The following IGSF21 variants were observed in gnomAD, a reference collection of about 807,000 sequenced individuals.
The protein encoded by IGSF21 is immunoglobin superfamily member 21, also known as immunoglobulin superfamily member 21.
IGSF21 carries 28 observed loss-of-function variants against 46.8 expected under a neutral mutation model. The observed-to-expected ratio is 0.60, with a 90% confidence interval of 0.44 to 0.82. IGSF21 has a LOEUF of 0.82. Ranked by LOEUF, IGSF21 falls within the 40% of genes least tolerant of loss-of-function variation. The pLI is 0.00. For synonymous variants in IGSF21, 284 were observed against 273.6 expected (o/e 1.04, Z -0.38); for missense variants, 624 against 665.5 (o/e 0.94, Z 0.69).
At chr1:18,284,137 T>C (rs1274503274) in intron 2 of IGSF21, among the ~76,000 whole-genome samples, 1 of 152,118 alleles carries the variant, frequency 6.6e-6, no homozygotes, top group Non-Finnish European at 1.5e-5. Flanking sequence ...CCTCAAGCAA[T>C]AGACAAACTC....
chr1:18,111,733 C>T (rs1449632124), intron 1 of IGSF21: 1 of 152,274 alleles, frequency 6.6e-6, no homozygotes, highest in Non-Finnish European at 1.5e-5. Flanking sequence ...AGATTTAAGA[C>T]CTTCTTTTCA....
intron 2 of IGSF21, among the ~76,000 whole-genome samples, chr1:18,229,805 G>C (rs1287841496): frequency 1.3e-5 from 2 of 152,218 alleles, no homozygotes; most frequent in African/African-American, 4.8e-5. Flanking sequence ...CACAGGCTGG[G>C]AGCATCTCAT....
intron 1 of IGSF21, chr1:18,114,415 A>G (rs1249698941): frequency 6.6e-6 from 1 of 152,246 alleles, no homozygotes; most frequent in Non-Finnish European, 1.5e-5. Flanking sequence ...GCCTTGCGAC[A>G]TGTGCAACCT....
intron 2 of IGSF21, among the ~76,000 whole-genome samples, chr1:18,265,095 T>C (rs1250663380): frequency 6.6e-6 from 1 of 152,246 alleles, no homozygotes; most frequent in Non-Finnish European, 1.5e-5. Flanking sequence ...TTTTTTGTAA[T>C]TCATTGGATG....
chr1:18,199,430 T>G (rs2087044772), intron 1 of IGSF21, among the ~76,000 whole-genome samples: 1 of 152,182 alleles, frequency 6.6e-6, no homozygotes, highest in Non-Finnish European at 1.5e-5. Flanking sequence ...GCTACTGTGA[T>G]TTGACTGCTG....
chr1:18,275,467 G>A (rs1569698492), intron 2 of IGSF21, among the ~76,000 whole-genome samples: 1 of 152,166 alleles, frequency 6.6e-6, no homozygotes, highest in East Asian at 1.9e-4. Flanking sequence ...CTCCCACCGG[G>A]AGTGTCTTGG....
chr1:18,132,333 G>A (rs1365529774), intron 1 of IGSF21, among the ~76,000 whole-genome samples: 2 of 152,176 alleles, frequency 1.3e-5, no homozygotes, highest in East Asian at 3.9e-4. Context: ...TGGATTTATG[G>A]TCAGCCCTGT....
At chr1:18,304,627 G>A (rs981623086) in intron 3 of IGSF21, among the ~76,000 whole-genome samples, 1 of 152,106 alleles carries the variant, frequency 6.6e-6, no homozygotes, top group African/African-American at 2.4e-5. Flanking sequence ...AGCCTGCTGG[G>A]CAGAATTGCT....
intron 1 of IGSF21, among the ~76,000 whole-genome samples, chr1:18,204,264 A>G (rs1480710660): frequency 6.6e-6 from 1 of 152,222 alleles, no homozygotes; most frequent in Non-Finnish European, 1.5e-5. Flanking sequence ...TCATTTGCCC[A>G]AAGTTACATG....
At chr1:18,370,731 A>G (rs751404694) in intron 6 of IGSF21, among the ~76,000 whole-genome samples, 3 of 152,212 alleles carry the variant, frequency 2.0e-5, no homozygotes, top group African/African-American at 4.8e-5. Context: ...TTGTAACCAG[A>G]ATATATAAAG....
chr1:18,205,802 A>G (rs1185211784), intron 1 of IGSF21, among the ~76,000 whole-genome samples: 1 of 152,240 alleles, frequency 6.6e-6, no homozygotes, highest in Non-Finnish European at 1.5e-5. Context: ...ATTCGTGAGA[A>G]AGATTCAAAA....
chr1:18,108,078 C>A lies in IGSF21; in HGVS notation c.-51C>A. 1.1e-6 allele frequency: 1 copy of A among 908,964 alleles called. No homozygotes were observed. Among genetic ancestry groups the A allele is most frequent in the Non-Finnish European group, 1.5e-6 (1 of 653,180 alleles). 56.3% of individuals were successfully genotyped at this position (908,964 alleles called of 1,614,324 possible). A position where few individuals can be genotyped will look rare whatever the true frequency, so the allele number is the denominator to read the frequency against. On this transcript the variant is annotated 5_prime_UTR_variant, in exon 1 of 10. Coordinates refer to ENST00000251296, the MANE Select transcript of IGSF21 (RefSeq NM_032880.5). The stretch of plus-strand genomic sequence containing the variant: ...GAGCCCATGGCGAGGGGACCCGCCG[C>A]CACCGCCTCCACCCCCGCCGCCCCG...
rs529377116 is a variant in IGSF21, at chr1:18,203,590, T to C, written c.71-24308T>C. Reference sequence around the variant, plus strand: ...TCCCAAAGTGCTGGGATTACAGGCGTGAGCCACCGTGACCAGCCCCTTGAT... The same window carrying C: ...TCCCAAAGTGCTGGGATTACAGGCGCGAGCCACCGTGACCAGCCCCTTGAT... On this transcript the variant is annotated intron_variant, in intron 1 of 9. Transcript: ENST00000251296. Among the ~76,000 whole-genome samples, 4 of 152,326 alleles carry C rather than the reference T, an allele frequency of 2.6e-5. No individual in the cohort carries two copies. In the South Asian group the frequency reaches 8.3e-4, roughly 32 times the overall value.
chr1:18,223,067 G>A (rs2084527163), intron 1 of IGSF21, among the ~76,000 whole-genome samples: 1 of 152,204 alleles, frequency 6.6e-6, no homozygotes, highest in Non-Finnish European at 1.5e-5. Flanking sequence ...CACATCACCT[G>A]ATGTTTGTCC....
At chr1:18,222,313 G>A (rs187853154) in intron 1 of IGSF21, among the ~76,000 whole-genome samples, 11 of 152,306 alleles carry the variant, frequency 7.2e-5, no homozygotes, top group Non-Finnish European at 1.5e-5. Flanking sequence ...TGAGATGTCT[G>A]GCTGAGCTAG....
At chr1:18,342,061 T>G (rs895405739) in intron 4 of IGSF21, among the ~76,000 whole-genome samples, 1 of 149,538 alleles carries the variant, frequency 6.7e-6, no homozygotes, top group African/African-American at 2.4e-5. Context: ...CTTGTTTTTT[T>G]TTTTTTTGTT....
At chr1:18,323,822 T>TG (rs560956654) in intron 3 of IGSF21, among the ~76,000 whole-genome samples, 129 of 152,226 alleles carry the variant, frequency 8.5e-4, no homozygotes, top group African/African-American at 3.0e-3. Context: ...ATTTTCAGGT[T>TG]GGGGGGCGGT....
chr1:18,269,252 G>A (rs1159897249), intron 2 of IGSF21, among the ~76,000 whole-genome samples: 2 of 152,166 alleles, frequency 1.3e-5, no homozygotes, highest in African/African-American at 2.4e-5. Flanking sequence ...TGATCCACCT[G>A]GGGCAGGTCT....
intron 4 of IGSF21, among the ~76,000 whole-genome samples, chr1:18,359,383 A>AAAGAAAGAAAGAAAGGAAGGAAGG (rs1557659626): frequency 1.6e-5 from 1 of 61,104 alleles, no homozygotes. Flanking sequence ...AGAAAGAAAG[A>AAAGAAAGAAAGAAAGGAAGGAAGG]AAGGAAGGAA....
Sources: gnomAD v4.1 joint callset for allele counts (sites outside exome capture counted in the v4.1 genomes callset) on GRCh38, gnomAD v4.1.1 for gene constraint, MANE v1.5 for transcripts, NCBI Gene and HGNC (gene_info 2026-07-23, HGNC 2026-07-21) for gene names.